Variants in ADGRV1 observed in about 807,000 individuals in gnomAD.
The protein encoded by ADGRV1 is adhesion G protein-coupled receptor V1, also known as G-protein coupled receptor 98.
ADGRV1 carries 359 observed loss-of-function variants against 596.2 expected under a neutral mutation model. That is an observed-to-expected ratio of 0.60 (90% CI 0.55 to 0.66). ADGRV1 has a LOEUF of 0.66. ADGRV1 is among the 30% of genes least tolerant of loss of function. ADGRV1 has a pLI of 0.00. For missense variants in ADGRV1, 7,274 were observed against 7,575.6 expected (o/e 0.96, Z 1.48); for synonymous variants, 2,681 against 2,679.2 (o/e 1.00, Z -0.02).
chr5:91,052,725 C>T (rs1027221238), intron 85 of ADGRV1, among the ~76,000 whole-genome samples: 3 of 152,092 alleles, frequency 2.0e-5, no homozygotes, highest in African/African-American at 4.8e-5. Flanking sequence ...TGAGCCACCA[C>T]GCCCAGCCTA....
chr5:90,584,923 C>T (rs1758551841), intron 1 of ADGRV1, among the ~76,000 whole-genome samples: 2 of 152,112 alleles, frequency 1.3e-5, no homozygotes, highest in East Asian at 1.9e-4. Flanking sequence ...ATAAAACCAC[C>T]ACACTGCATT....
chr5:90,916,631 A>ATTTTTT (rs11407284), intron 83 of ADGRV1, among the ~76,000 whole-genome samples: 1,567 of 124,602 alleles, frequency 0.013, 25 homozygotes, highest in Middle Eastern at 0.019. Context: ...GCGTTCACAA[A>ATTTTTT]TTTTTTTTTT....
intron 87 of ADGRV1, among the ~76,000 whole-genome samples, chr5:91,146,129 T>A (rs1795514736): frequency 6.6e-6 from 1 of 152,238 alleles, no homozygotes; most frequent in African/African-American, 2.4e-5. Context: ...TCCTCTTTAA[T>A]GAGCTGAATG....
chr5:90,987,726 T>A (rs2151058835), intron 85 of ADGRV1, among the ~76,000 whole-genome samples: 1 of 152,240 alleles, frequency 6.6e-6, no homozygotes, highest in South Asian at 2.1e-4. Context: ...GATTGATGGT[T>A]GTATGAACTA....
chr5:90,928,955 G>C (rs1370270912), intron 83 of ADGRV1, among the ~76,000 whole-genome samples: 1 of 147,538 alleles, frequency 6.8e-6, no homozygotes, highest in African/African-American at 2.5e-5. Flanking sequence ...GGGGTCAGGG[G>C]TCAGGGACCC....
At chr5:91,009,274 G>A (rs186229273) in intron 85 of ADGRV1, among the ~76,000 whole-genome samples, 20 of 152,248 alleles carry the variant, frequency 1.3e-4, no homozygotes, top group African/African-American at 4.3e-4. Flanking sequence ...AGATGATAAA[G>A]AGAATAGATG....
chr5:90,753,017 C>CAGA (rs143228213), intron 53 of ADGRV1, among the ~76,000 whole-genome samples: 1 of 151,612 alleles, frequency 6.6e-6, no homozygotes, highest in African/African-American at 2.4e-5. Flanking sequence ...GCAAGGTCTT[C>CAGA]CATGCTTTTT....
At chr5:91,019,982 A>G (rs980745283) in intron 85 of ADGRV1, among the ~76,000 whole-genome samples, 3 of 151,990 alleles carry the variant, frequency 2.0e-5, no homozygotes, top group African/African-American at 7.2e-5. Flanking sequence ...TTTTCACCCA[A>G]TAATTGGGCC....
intron 85 of ADGRV1, among the ~76,000 whole-genome samples, chr5:90,993,978 A>AT (rs370672818): frequency 4.7e-4 from 66 of 140,730 alleles, no homozygotes; most frequent in Middle Eastern, 3.8e-3. Context: ...ACATTTACCA[A>AT]TTTTTTTTTT....
At position 90,687,726 on chromosome 5, in the gene ADGRV1, G is replaced by A. The variant is rs1472465389; in HGVS notation, c.6490+1731G>A. 3.9e-5 allele frequency among the ~76,000 whole-genome samples: 6 copies of A among 152,228 alleles called. No individual in the cohort carries two copies. The East Asian group carries it at 9.6e-4, about 24-fold the overall frequency. ...TCTCAGGATACAAAATCAATGTACA[G>A]AAGTCACAAGCACTCTTATACACCA... On this transcript the variant is annotated intron_variant, in intron 29 of 89. Coordinates refer to ENST00000405460, the MANE Select transcript of ADGRV1 (RefSeq NM_032119.4).
chr5:90,618,142 C>G (rs138296412), intron 3 of ADGRV1, among the ~76,000 whole-genome samples, 189 bp downstream of exon 3: 149 of 152,294 alleles, frequency 9.8e-4, no homozygotes, highest in African/African-American at 3.5e-3. Flanking sequence ...TGATCTTGTT[C>G]AGAAACTCTG....
intron 38 of ADGRV1, among the ~76,000 whole-genome samples, 197 bp downstream of exon 38, chr5:90,706,591 C>A (rs1424834036): frequency 6.6e-6 from 1 of 151,842 alleles, no homozygotes; most frequent in Non-Finnish European, 1.5e-5. Flanking sequence ...CCTGAAGTAA[C>A]TACATAGAAG....
intron 83 of ADGRV1, among the ~76,000 whole-genome samples, chr5:90,907,464 T>C (rs2150672984): frequency 6.6e-6 from 1 of 152,310 alleles, no homozygotes; most frequent in African/African-American, 2.4e-5. Context: ...GTGTATGCTT[T>C]AGTACCAGGC....
rs57441034 is a variant in ADGRV1, at chr5:91,043,878, A to AT, written c.18153-28561dup. Among the ~76,000 whole-genome samples, 1,185 of 151,340 alleles carry AT rather than the reference A, an allele frequency of 7.8e-3. 5 individuals are homozygous for AT. The highest frequency in any genetic ancestry group is 0.012 in the Non-Finnish European group (832 of 67,814). On this transcript the variant is annotated intron_variant, in intron 85 of 89. Coordinates refer to ENST00000405460, the MANE Select transcript of ADGRV1 (RefSeq NM_032119.4). ...TTTCACTGTTCCTATTTGCTGCTTTATTTTTTTTAAAACCTTGACCACCAT... is the reference window on the plus strand; with the variant it reads ...TTTCACTGTTCCTATTTGCTGCTTTATTTTTTTTTAAAACCTTGACCACCAT...
intron 1 of ADGRV1, among the ~76,000 whole-genome samples, chr5:90,575,815 A>C (rs1358944747): frequency 1.3e-5 from 2 of 152,204 alleles, no homozygotes; most frequent in East Asian, 3.9e-4. Flanking sequence ...GCATGATCCA[A>C]ATCTGCCTCC....
intron 34 of ADGRV1, among the ~76,000 whole-genome samples, chr5:90,700,920 T>C (rs1353778591): frequency 2.0e-5 from 3 of 152,152 alleles, no homozygotes; most frequent in Admixed American, 6.5e-5. Flanking sequence ...TTTATGTACA[T>C]TGTAGTTGGT....
intron 21 of ADGRV1, among the ~76,000 whole-genome samples, chr5:90,669,483 A>G (rs1374023975): frequency 6.6e-6 from 1 of 152,238 alleles, no homozygotes; most frequent in Non-Finnish European, 1.5e-5. Context: ...TAAAAAAAAT[A>G]GAGACCTGAT....
At chr5:90,643,687 GT>G in intron 13 of ADGRV1, 115 bp from the exon 14 acceptor site, 1 of 706,824 alleles carries the variant, frequency 1.4e-6, no homozygotes, top group Non-Finnish European at 2.2e-6. Flanking sequence ...TGTCCTTTCA[GT>G]GAGTTATATG....
intron 1 of ADGRV1, among the ~76,000 whole-genome samples, chr5:90,593,635 T>C (rs948435177): frequency 1.3e-5 from 2 of 152,146 alleles, no homozygotes; most frequent in Admixed American, 1.3e-4. Context: ...TTGGGTACAG[T>C]GTACGCTGCT....
Sources: gnomAD v4.1 joint callset for allele counts (sites outside exome capture counted in the v4.1 genomes callset) on GRCh38, gnomAD v4.1.1 for gene constraint, MANE v1.5 for transcripts, NCBI Gene and HGNC (gene_info 2026-07-23, HGNC 2026-07-21) for gene names.